The following GPR39 variants were observed in gnomAD, a reference collection of about 807,000 sequenced individuals.
GPR39 encodes the protein G protein-coupled receptor 39.
Under a neutral mutation model 18.4 loss-of-function variants are expected in GPR39, and 23 were observed. The ratio of observed to expected loss-of-function variants is 1.25; its 90% confidence interval spans 0.90 to 1.77. The LOEUF is 1.77. Ranked by LOEUF, GPR39 falls within the 40% of genes most tolerant of loss-of-function variation. The pLI is 0.00. For synonymous variants in GPR39, 280 were observed against 257.9 expected, an observed-to-expected ratio of 1.09 and a Z score of -0.82; for missense variants, 647 against 602.4, an observed-to-expected ratio of 1.07 and a Z score of -0.78.
At chr2:132,472,184 G>A (rs1681044450) in intron 1 of GPR39, among the ~76,000 whole-genome samples, 1 of 152,204 alleles carries the variant, frequency 6.6e-6, no homozygotes, top group African/African-American at 2.4e-5. Context: ...GATGCCAGCT[G>A]ACATTCATTA....
chr2:132,529,921 C>A (rs1462039211), intron 1 of GPR39, among the ~76,000 whole-genome samples: 1 of 152,116 alleles, frequency 6.6e-6, no homozygotes, highest in Non-Finnish European at 1.5e-5. Context: ...AGCAGAAAAA[C>A]CGGAAACTCT....
intron 1 of GPR39, among the ~76,000 whole-genome samples, chr2:132,548,385 G>A (rs1679985357): frequency 2.0e-5 from 3 of 152,154 alleles, no homozygotes; most frequent in South Asian, 4.1e-4. Context: ...AGGAAGAAAT[G>A]CTATTTGCTC....
intron 1 of GPR39, among the ~76,000 whole-genome samples, chr2:132,601,024 A>G (rs1257834856): frequency 6.6e-6 from 1 of 152,170 alleles, no homozygotes; most frequent in African/African-American, 2.4e-5. Context: ...GTAAGTAAGA[A>G]CATGTGCCCA....
chr2:132,423,148 G>A (rs563810850), intron 1 of GPR39, among the ~76,000 whole-genome samples: 15 of 152,018 alleles, frequency 9.9e-5, no homozygotes, highest in Non-Finnish European at 2.1e-4. Context: ...CCAGGCTGCA[G>A]CCCTGGGACC....
chr2:132,642,269 C>A (rs1261242717), intron 1 of GPR39, among the ~76,000 whole-genome samples: 1 of 152,198 alleles, frequency 6.6e-6, no homozygotes, highest in Admixed American at 6.5e-5. Flanking sequence ...CCTACTTTTA[C>A]ACCCAGAAAA....
intron 1 of GPR39, among the ~76,000 whole-genome samples, chr2:132,460,251 A>C (rs1372697594): frequency 6.6e-6 from 1 of 152,172 alleles, no homozygotes; most frequent in Non-Finnish European, 1.5e-5. Context: ...ACAGTAACTC[A>C]TTTAAGGTCA....
chr2:132,578,474 C>T (rs956707106), intron 1 of GPR39, among the ~76,000 whole-genome samples: 20 of 152,010 alleles, frequency 1.3e-4, no homozygotes, highest in African/African-American at 4.8e-4. Context: ...TGGTAGAATT[C>T]TCTAGTGAAA....
At position 132,590,818 on chromosome 2, in the gene GPR39, CGTGT is replaced by C. The variant is rs3066458; in HGVS notation, c.857-54252_857-54249del. Among the ~76,000 whole-genome samples the C allele has an allele frequency of 1.3e-3, 188 of 143,992 alleles. 2 individuals are homozygous for C. Among genetic ancestry groups the C allele is most frequent in the East Asian group, 1.7e-3 (8 of 4,758 alleles). 94.5% of individuals were successfully genotyped at this position (143,992 alleles called of 152,430 possible). A position where few individuals can be genotyped will look rare whatever the true frequency, so the allele number is the denominator to read the frequency against. On this transcript the variant is annotated intron_variant, in intron 1 of 1. Transcript: ENST00000329321. ...GGATTGAAGGATGCAAAGTATTGTTCGTGTGTGTGTGTGTGTGTGTGTGTGTGTG... is the reference window on the plus strand; with the variant it reads ...GGATTGAAGGATGCAAAGTATTGTTCGTGTGTGTGTGTGTGTGTGTGTGTG...
intron 1 of GPR39, among the ~76,000 whole-genome samples, chr2:132,641,708 A>C (rs1573714076): frequency 6.6e-6 from 1 of 152,154 alleles, no homozygotes; most frequent in East Asian, 1.9e-4. Flanking sequence ...AATTGTTTTC[A>C]CCCATCTCTT....
chr2:132,645,159 G>A lies in GPR39; in HGVS notation c.915G>A (p.Met305Ile). The A allele has an allele frequency of 6.2e-7, 1 of 1,614,188 alleles. No homozygotes were observed. The highest frequency in any genetic ancestry group is 2.2e-5 in the East Asian group (1 of 44,878). The change falls in exon 2 of 2, where the codon ATG (methionine) becomes ATA (isoleucine). Residue 305 changes from methionine (M) to isoleucine (I), a missense_variant. Met to Ile is a conservative substitution (Grantham distance 10, BLOSUM62 1). Coordinates refer to ENST00000329321, the MANE Select transcript of GPR39 (RefSeq NM_001508.3). ...CWMPNQIRRI[M>I]AAAKPKHDWT... ...TGCCCAACCAGATTCGGAGGATCATGGCTGCGGCCAAACCCAAGCACGACT... is the reference window on the plus strand; with the variant it reads ...TGCCCAACCAGATTCGGAGGATCATAGCTGCGGCCAAACCCAAGCACGACT...
Position 132,645,298 on chromosome 2 carries a change from C to T in GPR39, c.1054C>T (p.Arg352Trp), listed in dbSNP as rs575186714. 7.4e-6 allele frequency: 12 copies of T among 1,614,206 alleles called. No homozygotes were observed. The highest frequency in any genetic ancestry group is 3.3e-4 in the Middle Eastern group (2 of 6,062). Residue 352 changes from arginine (R) to tryptophan (W), a missense_variant, in exon 2 of 2, where the codon CGG becomes TGG. This residue lies in a region of GPR39 where 581 missense variants were observed against 506.8 expected (regional missense o/e 1.15). Transcript: ENST00000329321. ...LLYTVSSQQF[R>W]RVFVQVLCCR... is the part of the protein sequence containing the mutation. ...GTACACGGTGTCCTCGCAGCAGTTT[C>T]GGCGGGTGTTCGTGCAGGTGCTGTG...
At chr2:132,444,269 A>G (rs1206298436) in intron 1 of GPR39, among the ~76,000 whole-genome samples, 1 of 152,146 alleles carries the variant, frequency 6.6e-6, no homozygotes. Flanking sequence ...GTTGAATTCT[A>G]TAAATTACTA....
intron 1 of GPR39, among the ~76,000 whole-genome samples, chr2:132,614,189 TTTTTGTTTTG>T (rs1238637998): frequency 1.4e-5 from 2 of 147,834 alleles, no homozygotes; most frequent in Non-Finnish European, 3.0e-5. Context: ...TTTTTTTTTG[TTTTTGTTTTG>T]TTTTGTTTTT....
At chr2:132,576,402 C>T (rs879521162) in intron 1 of GPR39, among the ~76,000 whole-genome samples, 6 of 152,092 alleles carry the variant, frequency 3.9e-5, no homozygotes, top group Non-Finnish European at 8.8e-5. Context: ...CCTGTAATTA[C>T]AGCACTTGAG....
chr2:132,545,626 C>G (rs1180073406), intron 1 of GPR39, among the ~76,000 whole-genome samples: 1 of 149,896 alleles, frequency 6.7e-6, no homozygotes, highest in Non-Finnish European at 1.5e-5. Context: ...TGTCTTAAAA[C>G]CATCTTATAA....
chr2:132,615,558 A>G (rs1378274519), intron 1 of GPR39, among the ~76,000 whole-genome samples: 1 of 152,162 alleles, frequency 6.6e-6, no homozygotes, highest in Non-Finnish European at 1.5e-5. Flanking sequence ...ACAGGGGTGT[A>G]GGCAGGGCCA....
intron 1 of GPR39, among the ~76,000 whole-genome samples, chr2:132,522,281 C>T (rs1402117758): frequency 6.6e-6 from 1 of 152,150 alleles, no homozygotes; most frequent in Non-Finnish European, 1.5e-5. Context: ...CTAAAATGAT[C>T]GCTCATTTAT....
At chr2:132,585,257 A>G (rs1047614745) in intron 1 of GPR39, among the ~76,000 whole-genome samples, 3 of 151,842 alleles carry the variant, frequency 2.0e-5, no homozygotes, top group African/African-American at 4.8e-5. Flanking sequence ...AAGCAGTCAC[A>G]TTGCTGCCGT....
intron 1 of GPR39, among the ~76,000 whole-genome samples, chr2:132,621,079 C>G (rs1327010394): frequency 6.6e-6 from 1 of 152,072 alleles, no homozygotes; most frequent in Non-Finnish European, 1.5e-5. Context: ...ATGTCCATTC[C>G]CCAGAGAAAT....
Sources: allele counts gnomAD v4.1 joint callset (sites outside exome capture counted in the v4.1 genomes callset), GRCh38; gene constraint gnomAD v4.1.1; regional missense constraint gnomAD v4.1.1; transcripts MANE v1.5; gene names NCBI Gene and HGNC (gene_info 2026-07-23, HGNC 2026-07-21).